Variants in TENM3 observed in about 807,000 individuals in gnomAD.
The protein encoded by TENM3 is teneurin-3.
A neutral mutation model predicts 255.1 loss-of-function variants in TENM3; 63 were observed. That is an observed-to-expected ratio of 0.25 (90% CI 0.20 to 0.30). TENM3 has a LOEUF of 0.30. Ranked by LOEUF, TENM3 falls within the 10% of genes least tolerant of loss-of-function variation. The probability of loss-of-function intolerance (pLI) is 1.00; values close to 1 mark genes in which losing one functional copy is unlikely to be tolerated. For missense variants in TENM3, 2,929 were observed against 3,461.1 expected, an observed-to-expected ratio of 0.85 and a Z score of 3.86; for synonymous variants, 1,306 against 1,322.3, an observed-to-expected ratio of 0.99 and a Z score of 0.27.
At chr4:182,585,779 A>G (rs934497332) in intron 3 of TENM3, among the ~76,000 whole-genome samples, 34 of 152,204 alleles carry the variant, frequency 2.2e-4, no homozygotes, top group African/African-American at 8.2e-4. Flanking sequence ...AATTTTAACA[A>G]ACTGGCACCA....
intron 1 of TENM3, among the ~76,000 whole-genome samples, chr4:182,312,652 C>T (rs1042543769): frequency 1.5e-4 from 23 of 152,222 alleles, no homozygotes; most frequent in Non-Finnish European, 3.1e-4. Context: ...AAAGTCCTGG[C>T]TCATGCCGAA....
intron 2 of TENM3, among the ~76,000 whole-genome samples, chr4:182,333,451 A>G (rs1033606632): frequency 8.5e-5 from 13 of 152,340 alleles, no homozygotes; most frequent in Middle Eastern, 6.8e-3. Context: ...ATCTACTAAC[A>G]TAATTAGATT....
chr4:182,273,469 C>G (rs1034108008), intron 1 of TENM3, among the ~76,000 whole-genome samples: 13 of 152,194 alleles, frequency 8.5e-5, no homozygotes, highest in Admixed American at 3.9e-4. Context: ...TTAGGGCGAG[C>G]TATTCTTTAC....
At chr4:182,623,491 G>A (rs1750498675) in intron 4 of TENM3, among the ~76,000 whole-genome samples, 2 of 151,780 alleles carry the variant, frequency 1.3e-5, no homozygotes, top group Admixed American at 1.3e-4. Context: ...TTGTTTGTTT[G>A]TTTGTTTGTT....
intron 13 of TENM3, among the ~76,000 whole-genome samples, chr4:182,725,634 TTC>T: frequency 7.5e-5 from 1 of 13,270 alleles, no homozygotes; most frequent in African/African-American, 3.0e-4. Context: ...TTTCTTTTTT[TTC>T]TTTTTTTTTT....
intron 3 of TENM3, among the ~76,000 whole-genome samples, chr4:182,597,263 G>C (rs1032662091): frequency 6.6e-6 from 1 of 152,042 alleles, no homozygotes; most frequent in Admixed American, 6.6e-5. Flanking sequence ...AAAAAAATTA[G>C]CCGGGCGTGG....
the TENM3 span, among the ~76,000 whole-genome samples, chr4:181,797,477 G>T: frequency 1.3e-5 from 2 of 152,096 alleles, no homozygotes; most frequent in African/African-American, 4.8e-5. Flanking sequence ...GGCTCTATCG[G>T]TATAACGAAT....
chr4:181,618,360 T>G, the TENM3 span, among the ~76,000 whole-genome samples: 10 of 152,234 alleles, frequency 6.6e-5, no homozygotes, highest in Non-Finnish European at 1.2e-4. Flanking sequence ...CTAAGATGAC[T>G]GGAACTCCAC....
At chr4:182,719,587 T>C (rs1176982502) in intron 13 of TENM3, among the ~76,000 whole-genome samples, 1 of 152,056 alleles carries the variant, frequency 6.6e-6, no homozygotes, top group Non-Finnish European at 1.5e-5. Flanking sequence ...TTTAGAATTA[T>C]TACTTTTTGG....
intron 1 of TENM3, among the ~76,000 whole-genome samples, chr4:182,211,981 T>C (rs1296778890): frequency 6.6e-6 from 1 of 152,168 alleles, no homozygotes; most frequent in African/African-American, 2.4e-5. Context: ...ACGTGTGACA[T>C]ACAGCAAATG....
At chr4:181,948,802 G>T in the TENM3 span, among the ~76,000 whole-genome samples, 10 of 152,138 alleles carry the variant, frequency 6.6e-5, no homozygotes, top group Admixed American at 6.5e-4. Flanking sequence ...TCACCCCAGT[G>T]CAAAGGAAAG....
intron 18 of TENM3, among the ~76,000 whole-genome samples, chr4:182,741,014 A>G (rs954699584): frequency 1.3e-5 from 2 of 152,048 alleles, no homozygotes; most frequent in African/African-American, 2.4e-5. Context: ...CGTGTCTACT[A>G]AAAATACAAA....
the TENM3 span, among the ~76,000 whole-genome samples, chr4:181,517,662 C>T: frequency 6.6e-6 from 1 of 152,136 alleles, no homozygotes; most frequent in Non-Finnish European, 1.5e-5. Flanking sequence ...ATGCTTTTTC[C>T]ACTTCACAAC....
chr4:181,578,744 G>A, the TENM3 span, among the ~76,000 whole-genome samples: 1 of 152,090 alleles, frequency 6.6e-6, no homozygotes, highest in Non-Finnish European at 1.5e-5. Flanking sequence ...TCCTCCTGTG[G>A]TCATCTCTGC....
At chr4:182,471,703 A>G (rs1383369309) in intron 3 of TENM3, among the ~76,000 whole-genome samples, 1 of 151,486 alleles carries the variant, frequency 6.6e-6, no homozygotes, top group African/African-American at 2.4e-5. Flanking sequence ...AAGTAATTAT[A>G]TTATAAAATA....
the TENM3 span, among the ~76,000 whole-genome samples, chr4:181,779,879 C>T: frequency 1.3e-5 from 2 of 152,104 alleles, no homozygotes; most frequent in Admixed American, 1.3e-4. Context: ...TGAGTGAGAA[C>T]ATGCAGTGTT....
At chr4:181,673,228 T>A in the TENM3 span, among the ~76,000 whole-genome samples, 2 of 137,420 alleles carry the variant, frequency 1.5e-5, no homozygotes, top group African/African-American at 5.8e-5. Context: ...CTCAGTAGTG[T>A]CGCAAACATA....
At chr4:181,638,938 A>G in the TENM3 span, among the ~76,000 whole-genome samples, 647 of 152,354 alleles carry the variant, frequency 4.2e-3, 1 homozygote, top group African/African-American at 0.015. Context: ...CTGTTCATGC[A>G]TGAAGCTGCA....
the TENM3 span, among the ~76,000 whole-genome samples, chr4:181,691,378 A>C: frequency 6.6e-6 from 1 of 152,116 alleles, no homozygotes; most frequent in African/African-American, 2.4e-5. Flanking sequence ...ACACACGATA[A>C]GATCGTACAT....
Sources: gnomAD v4.1 joint callset for allele counts (sites outside exome capture counted in the v4.1 genomes callset) on GRCh38, gnomAD v4.1.1 for gene constraint, MANE v1.5 for transcripts, NCBI Gene and HGNC (gene_info 2026-07-23, HGNC 2026-07-21) for gene names.